ELL: variants seen among roughly 807,000 people sequenced by gnomAD.
ELL encodes the protein RNA polymerase II elongation factor ELL.
A neutral mutation model predicts 64.0 loss-of-function variants in ELL; 18 were observed. That is an observed-to-expected ratio of 0.28 (90% CI 0.19 to 0.42). ELL has a LOEUF of 0.42. ELL is among the 10% of genes least tolerant of loss of function. The pLI is 1.00. For synonymous variants in ELL, 399 were observed against 376.2 expected, an observed-to-expected ratio of 1.06 and a Z score of -0.70; for missense variants, 797 against 870.4, an observed-to-expected ratio of 0.92 and a Z score of 1.06.
chr19:18,446,487 C>T lies in ELL; in HGVS notation c.1533-7G>A, dbSNP rs780586484. 25 of 1,610,242 alleles carry T rather than the reference C, an allele frequency of 1.6e-5. No homozygotes were observed. Among genetic ancestry groups the T allele is most frequent in the Non-Finnish European group, 2.0e-5 (24 of 1,179,350 alleles). On this transcript the variant is annotated splice_region_variant and splice_polypyrimidine_tract_variant and intron_variant, in intron 9 of 11. Transcript: ENST00000262809. ...GGAGATGGCTGCGTACTTCCTGAAACAGGAGAGAGGGGCCACTGAGTGGAG... is the reference window on the plus strand; with the variant it reads ...GGAGATGGCTGCGTACTTCCTGAAATAGGAGAGAGGGGCCACTGAGTGGAG...
chr19:18,471,074 C>A, intron 2 of ELL: 4 of 426,124 alleles, frequency 9.4e-6, no homozygotes, highest in Admixed American at 8.8e-5. Flanking sequence ...CATGGTAACT[C>A]TAAAAGAAAA....
In ELL at chr19:18,462,335, C is replaced by CTGTGTGTGTGTGTG. The variant is rs370735358; in HGVS notation, c.470-497_470-484dup. On this transcript the variant is annotated intron_variant, in intron 4 of 11. Coordinates refer to ENST00000262809, the MANE Select transcript of ELL (RefSeq NM_006532.4). ...GAAATCACCTGATCACTCTAGTGGG[C>CTGTGTGTGTGTGTG]TGTGTGTGTGTGTGTGTGTGTGTGT... is the stretch of plus-strand genomic sequence containing the variant. Among the ~76,000 whole-genome samples the CTGTGTGTGTGTGTG allele has an allele frequency of 1.2e-3, 77 of 64,994 alleles. 21 individuals carry two copies. Among genetic ancestry groups the CTGTGTGTGTGTGTG allele is most frequent in the African/African-American group, 7.4e-3 (70 of 9,418 alleles). The allele number at this position is 64,994 out of a possible 152,430, so 42.6% of individuals were successfully genotyped here. A position where few individuals can be genotyped will look rare whatever the true frequency, so the allele number is the denominator to read the frequency against.
chr19:18,495,141 C>T (rs1408531309), intron 1 of ELL, among the ~76,000 whole-genome samples: 1 of 152,186 alleles, frequency 6.6e-6, no homozygotes, highest in Non-Finnish European at 1.5e-5. Flanking sequence ...CACAGGGACC[C>T]CTGGCAGGGC....
Position 18,450,836 on chromosome 19 carries a change from G to A in ELL, c.1106C>T (p.Pro369Leu), listed in dbSNP as rs773155395. The change falls in exon 8 of 12, where the codon CCG becomes CTG. Residue 369 changes from proline to leucine, a missense_variant. Coordinates refer to ENST00000262809, the MANE Select transcript of ELL (RefSeq NM_006532.4). ...GGTGTCCGTGCTGGCTGGTGGGCCC[G>A]GGGTGGGCAGCAAGGCCTCACGGCC... is the stretch of plus-strand genomic sequence containing the variant. Reference protein sequence around the residue: ...PNGREALLPTPGPPASTDTLS... With the variant: ...PNGREALLPTLGPPASTDTLS... The A allele has an allele frequency of 1.3e-5, 20 of 1,589,896 alleles. No homozygotes were observed. The highest frequency in any genetic ancestry group is 5.3e-5 in the Admixed American group (3 of 56,862).
intron 1 of ELL, among the ~76,000 whole-genome samples, chr19:18,483,265 G>T (rs1382633783): frequency 6.6e-6 from 1 of 152,150 alleles, no homozygotes; most frequent in Non-Finnish European, 1.5e-5. Context: ...GACCACAGAT[G>T]CTCCCTGGAT....
intron 1 of ELL, among the ~76,000 whole-genome samples, chr19:18,505,699 C>T (rs1244527645): frequency 1.3e-5 from 2 of 152,122 alleles, no homozygotes; most frequent in African/African-American, 4.8e-5. Flanking sequence ...GAGAAGAGGA[C>T]GGGAGAGGAG....
At chr19:18,489,602 G>C (rs1049871989) in intron 1 of ELL, among the ~76,000 whole-genome samples, 6 of 152,174 alleles carry the variant, frequency 3.9e-5, no homozygotes, top group Non-Finnish European at 8.8e-5. Flanking sequence ...CCAGCTGCCT[G>C]ATAAGGCCGG....
chr19:18,459,661 A>G (rs946078883), intron 5 of ELL, among the ~76,000 whole-genome samples: 1 of 151,906 alleles, frequency 6.6e-6, no homozygotes, highest in Non-Finnish European at 1.5e-5. Context: ...CTGGGACTAC[A>G]GGCACCCGCC....
intron 1 of ELL, among the ~76,000 whole-genome samples, chr19:18,516,225 C>T (rs912248762): frequency 6.6e-6 from 1 of 152,150 alleles, no homozygotes; most frequent in African/African-American, 2.4e-5. Flanking sequence ...GACAGTAGCC[C>T]CCAGCACAGC....
At chr19:18,502,299 TAC>T (rs1349084735) in intron 1 of ELL, among the ~76,000 whole-genome samples, 1 of 151,982 alleles carries the variant, frequency 6.6e-6, no homozygotes, top group Non-Finnish European at 1.5e-5. Flanking sequence ...CAGCTGTGGG[TAC>T]ACAAAGGCTC....
At position 18,446,371 on chromosome 19, in the gene ELL, G is replaced by A. The variant is rs771464157; in HGVS notation, c.1642C>T (p.Arg548Trp). 2.5e-6 allele frequency: 4 copies of A among 1,609,416 alleles called. No homozygotes were observed. Among genetic ancestry groups the A allele is most frequent in the Non-Finnish European group, 3.4e-6 (4 of 1,179,048 alleles). ...DLHARIERIT[R>W]RFTQLDAQLR... is the part of the protein sequence containing the mutation. Reference sequence around the variant, plus strand: ...TGGGCGTCGAGCTGGGTGAACCGCCGCGTGATGCGCTCAATGCGGGCGTGC... The same window carrying A: ...TGGGCGTCGAGCTGGGTGAACCGCCACGTGATGCGCTCAATGCGGGCGTGC... The change falls in exon 10 of 12, where the codon CGG becomes TGG. Residue 548 changes from arginine (R) to tryptophan (W), a missense_variant. Arg to Trp is a moderately radical substitution (Grantham distance 101). Coordinates refer to ENST00000262809, the MANE Select transcript of ELL (RefSeq NM_006532.4).
Position 18,482,308 on chromosome 19 carries a change from C to CTTTTTTTTTT in ELL, c.136-9436_136-9427dup, listed in dbSNP as rs530594631. 4.0e-4 allele frequency among the ~76,000 whole-genome samples: 31 copies of CTTTTTTTTTT among 77,564 alleles called. 6 individuals are homozygous for CTTTTTTTTTT. The highest frequency in any genetic ancestry group is 1.5e-3 in the African/African-American group (23 of 15,332). The allele number at this position is 77,564 out of a possible 152,430, so 50.9% of individuals were successfully genotyped here. On this transcript the variant is annotated intron_variant, in intron 1 of 11. Coordinates refer to ENST00000262809, the MANE Select transcript of ELL (RefSeq NM_006532.4). ...TAGTCCATGGCTTGTCTTTTCATTC[C>CTTTTTTTTTT]TTTTTTTTTTTTTTTTTTTTTTTTT...
chr19:18,507,880 C>T (rs1043857073), intron 1 of ELL, among the ~76,000 whole-genome samples: 2 of 152,172 alleles, frequency 1.3e-5, no homozygotes, highest in African/African-American at 4.8e-5. Flanking sequence ...ACGCCTGACC[C>T]CCAGCTCCAT....
intron 4 of ELL, among the ~76,000 whole-genome samples, chr19:18,462,366 T>C (rs1462890539): frequency 3.2e-5 from 1 of 31,212 alleles, no homozygotes; most frequent in African/African-American, 4.4e-4. Flanking sequence ...TGTGTGTGTT[T>C]GGGCGGGGGG....
At chr19:18,510,257 C>A (rs1568400039) in intron 1 of ELL, among the ~76,000 whole-genome samples, 1 of 152,228 alleles carries the variant, frequency 6.6e-6, no homozygotes, top group East Asian at 1.9e-4. Flanking sequence ...GTAATCCCAG[C>A]TAATTTGGAG....
intron 4 of ELL, among the ~76,000 whole-genome samples, chr19:18,464,001 T>G (rs1407302192): frequency 2.7e-5 from 4 of 145,592 alleles, no homozygotes; most frequent in African/African-American, 1.0e-4. Context: ...AAAAAAACCC[T>G]CACTGTACCC....
Position 18,450,518 on chromosome 19 carries a change from G to C in ELL, c.1424C>G (p.Pro475Arg), listed in dbSNP as rs200949318. 1.2e-6 allele frequency: 2 copies of C among 1,613,264 alleles called. No homozygotes were observed. The highest frequency in any genetic ancestry group is 1.7e-5 in the Admixed American group (1 of 60,026). The change falls in exon 8 of 12, where the codon CCT becomes CGT. Residue 475 changes from proline (P) to arginine (R), a missense_variant. Transcript: ENST00000262809. ...KPRAQLPDCAPATHATPGAPA... is the reference protein window; with the variant it reads ...KPRAQLPDCARATHATPGAPA... The stretch of plus-strand genomic sequence containing the variant: ...GGCTCCGGGGGTGGCATGGGTGGCA[G>C]GTGCACAGTCTGGAAGCTGGGCCCG...
intron 2 of ELL, among the ~76,000 whole-genome samples, 191 bp from the exon 3 acceptor site, chr19:18,466,109 TAG>T (rs2144920841): frequency 6.6e-6 from 1 of 152,232 alleles, no homozygotes; most frequent in South Asian, 2.1e-4. Context: ...ACACACTGCG[TAG>T]AGAGGGGACT....
chr19:18,465,402 C>T lies in ELL; in HGVS notation c.469+10G>A. ...GGCTGCCCTACAGCCCTGCCAAACCCACTGCTCACCCAGGTAGCGGCCTCC... is the reference window on the plus strand; with the variant it reads ...GGCTGCCCTACAGCCCTGCCAAACCTACTGCTCACCCAGGTAGCGGCCTCC... On this transcript the variant is annotated intron_variant, in intron 4 of 11. Coordinates refer to ENST00000262809, the MANE Select transcript of ELL (RefSeq NM_006532.4). 1.3e-6 allele frequency: 2 copies of T among 1,587,830 alleles called. No homozygotes were observed. Among genetic ancestry groups the T allele is most frequent in the Non-Finnish European group, 1.7e-6 (2 of 1,163,056 alleles).
Sources: allele counts gnomAD v4.1 joint callset (sites outside exome capture counted in the v4.1 genomes callset), GRCh38; gene constraint gnomAD v4.1.1; transcripts MANE v1.5; gene names NCBI Gene and HGNC (gene_info 2026-07-23, HGNC 2026-07-21).